The following CRACR2B variants were observed in gnomAD, a reference collection of about 807,000 sequenced individuals.
CRACR2B encodes calcium release activated channel regulator 2B.
In CRACR2B, 50 loss-of-function variants were observed where a neutral mutation model predicts 46.0. The ratio of observed to expected loss-of-function variants is 1.09; its 90% CI spans 0.87 to 1.38. The LOEUF (loss-of-function observed/expected upper bound fraction) is 1.38, where lower values mean the gene tolerates loss of function less well. Ranked by LOEUF, CRACR2B falls within the 40% of genes most tolerant of loss-of-function variation. CRACR2B has a pLI of 0.00. For synonymous variants in CRACR2B, 277 were observed against 239.6 expected (o/e 1.16, Z -1.44); for missense variants, 667 against 535.0 (o/e 1.25, Z -2.43).
chr11:827,402 A>T, upstream of CRACR2B: 2 of 344,792 alleles, frequency 5.8e-6, no homozygotes, highest in South Asian at 2.3e-4. Flanking sequence ...GCCCGCGCCA[A>T]ACCTGAGCGT....
chr11:831,113 C>T lies in CRACR2B; in HGVS notation c.953+81C>T, dbSNP rs571527437. On this transcript the variant is annotated intron_variant, in intron 7 of 8. Coordinates refer to ENST00000525077, the MANE Select transcript of CRACR2B (RefSeq NM_001286606.2). ...CGGGCGCTCAGGTCTGGGCCACTTT[C>T]ATCCCCATCTCAAGTCCCAGGCCCG... 1.9e-6 allele frequency: 3 copies of T among 1,567,896 alleles called. No individual in the cohort carries two copies. In the South Asian group the frequency reaches 3.5e-5, roughly 18 times the overall value.
Position 830,727 on chromosome 11 carries a change from CCCTG to C in CRACR2B, c.786+17_786+20del, listed in dbSNP as rs1171432001. The C allele has an allele frequency of 7.2e-6, 11 of 1,520,502 alleles. No homozygotes were observed. The highest frequency in any genetic ancestry group is 9.7e-6 in the Non-Finnish European group (11 of 1,136,000). 94.2% of individuals were successfully genotyped at this position (1,520,502 alleles called of 1,614,324 possible). A position where few individuals can be genotyped will look rare whatever the true frequency, so the allele number is the denominator to read the frequency against. ...CGGCAGCGGGAGGTGAGCACCCGGC[CCCTG>C]CCCTGTCCCCACGGTCACCCGTGCA... On this transcript the variant is annotated intron_variant, in intron 6 of 8. Transcript: ENST00000525077.
In CRACR2B at chr11:828,754, C is replaced by T. The variant is rs1846110950; in HGVS notation, c.147C>T (p.Ile49=). 2 of 1,613,486 alleles carry T rather than the reference C, an allele frequency of 1.2e-6. No homozygotes were observed. The highest frequency in any genetic ancestry group is 1.7e-6 in the Non-Finnish European group (2 of 1,179,926). The change falls in exon 1 of 9, where the codon ATC becomes ATT. Residue 49 remains isoleucine, a synonymous_variant. Transcript: ENST00000525077. ...LLCDKEAKGF[I]TKHDLQGLQS... is the part of the protein sequence containing the mutation. Reference sequence around the variant, plus strand: ...GTGACAAGGAGGCTAAGGGCTTCATCACCAAGCACGACCTGCAGGTGAGTC... The same window carrying T: ...GTGACAAGGAGGCTAAGGGCTTCATTACCAAGCACGACCTGCAGGTGAGTC...
rs774770107 is a variant in CRACR2B at position 829,478 on chromosome 11, GGAA to G, written c.399_401del (p.Glu136del). On this transcript the variant is annotated inframe_deletion, in exon 3 of 9. Coordinates refer to ENST00000525077, the MANE Select transcript of CRACR2B (RefSeq NM_001286606.2). ...CGGCGGGCTCTCTGGATGAGGAGGA[GGAA>G]GAGGAGGAGCGATTCCACACTGTGC... is the stretch of plus-strand genomic sequence containing the variant. The G allele has an allele frequency of 3.1e-6, 5 of 1,608,506 alleles. No individual in the cohort carries two copies. In the East Asian group the frequency reaches 9.0e-5, roughly 29 times the overall value.
At chr11:831,365 TC>T (rs938769293) in intron 8 of CRACR2B, 70 bp downstream of exon 8, 41 of 1,539,172 alleles carry the variant, frequency 2.7e-5, no homozygotes, top group Non-Finnish European at 3.5e-5. Flanking sequence ...TCCCCAACAT[TC>T]TTGGCTGCCG....
upstream of CRACR2B, among the ~76,000 whole-genome samples, chr11:826,666 G>A (rs1275150137): frequency 1.3e-5 from 2 of 152,194 alleles, no homozygotes; most frequent in Non-Finnish European, 2.9e-5. Context: ...TGGGATTACA[G>A]GCGCCCACCA....
rs1171607710 is a variant in CRACR2B at position 830,138 on chromosome 11, G to A, written c.605+6G>A. 1.3e-6 allele frequency: 2 copies of A among 1,529,232 alleles called. No individual in the cohort carries two copies. The highest frequency in any genetic ancestry group is 1.4e-5 in the African/African-American group (1 of 73,076). 94.7% of individuals were successfully genotyped at this position (1,529,232 alleles called of 1,614,324 possible). A position where few individuals can be genotyped will look rare whatever the true frequency, so the allele number is the denominator to read the frequency against. ...CTGGAGCAGGCGCTGCGGAGGTGAG[G>A]GCCGGGGTGGGGTATGGGGGCCAAT... On this transcript the variant is annotated splice_donor_region_variant and intron_variant, in intron 4 of 8. Coordinates refer to ENST00000525077, the MANE Select transcript of CRACR2B (RefSeq NM_001286606.2).
In CRACR2B at chr11:831,595, C is replaced by A; in HGVS notation, c.1086C>A (p.Ser362Arg). ...CCTGCGAGGCCAGGCGGGCGGGCAG[C>A]AGCTGCAGGAAGGCTCTGACAACAG... The part of the protein sequence containing the change: ...RDACEARRAG[S>R]SCRKALTTAR... The change falls in exon 9 of 9, where the codon AGC becomes AGA. Residue 362 changes from serine to arginine, a missense_variant. By Grantham distance (110) the Ser-to-Arg change is moderately radical. Coordinates refer to ENST00000525077, the MANE Select transcript of CRACR2B (RefSeq NM_001286606.2). 1.3e-6 allele frequency: 2 copies of A among 1,586,292 alleles called. No homozygotes were observed. Among genetic ancestry groups the A allele is most frequent in the Non-Finnish European group, 1.7e-6 (2 of 1,170,730 alleles).
chr11:831,179 C>T (rs749815557), intron 7 of CRACR2B, 45 bp from the exon 8 acceptor site: 37 of 1,610,366 alleles, frequency 2.3e-5, no homozygotes, highest in Non-Finnish European at 3.1e-5. Context: ...CCGGGGGCTC[C>T]CCAAGGAGCC....
upstream of CRACR2B, among the ~76,000 whole-genome samples, chr11:826,427 G>C (rs963941691): frequency 5.9e-5 from 9 of 152,238 alleles, no homozygotes; most frequent in South Asian, 2.1e-4. Context: ...CCCAGAAGGA[G>C]AGCCAGGAGG....
Position 830,307 on chromosome 11 carries a change from T to A in CRACR2B, c.663T>A (p.Leu221=). ...VRALYEETEQ[L]REQSRRPPSQ... is the part of the protein sequence containing the mutation. ...CTCTGTACGAGGAGACGGAGCAGCT[T>A]CGGGAGCAGAGCCGGCGCCCGCCGA... Residue 221 remains leucine (L), a synonymous_variant, in exon 5 of 9, where the codon CTT becomes CTA. Transcript: ENST00000525077. 2.0e-6 allele frequency: 3 copies of A among 1,534,192 alleles called. No homozygotes were observed. Among genetic ancestry groups the A allele is most frequent in the Non-Finnish European group, 2.6e-6 (3 of 1,143,422 alleles).
intron 4 of CRACR2B, 45 bp downstream of exon 4, chr11:830,177 G>T: frequency 6.7e-7 from 1 of 1,501,932 alleles, no homozygotes. Flanking sequence ...GGGCCTCAGG[G>T]CAGCAGCAGA....
chr11:830,479 G>T, intron 5 of CRACR2B, 142 bp downstream of exon 5: 1 of 1,537,062 alleles, frequency 6.5e-7, no homozygotes, highest in Non-Finnish European at 8.7e-7. Flanking sequence ...AGATCCCACT[G>T]GGCCTCACGT....
chr11:831,789 A>C lies in CRACR2B; in HGVS notation c.*80A>C, dbSNP rs1846478419. 1 of 1,431,674 alleles carries C rather than the reference A, an allele frequency of 7.0e-7. No individual in the cohort carries two copies. The highest frequency in any genetic ancestry group is 1.4e-5 in the South Asian group (1 of 71,454). 88.7% of individuals were successfully genotyped at this position (1,431,674 alleles called of 1,614,324 possible). On this transcript the variant is annotated 3_prime_UTR_variant, in exon 9 of 9. Transcript: ENST00000525077. ...TGTCATGGGTCGGGGGTGCCCACTC[A>C]GGATGCAGGCTCTCCCCAGTGGGCC... is the stretch of plus-strand genomic sequence containing the variant.
chr11:830,802 G>A lies in CRACR2B; in HGVS notation c.787-64G>A, dbSNP rs1846350144. On this transcript the variant is annotated intron_variant, in intron 6 of 8. Transcript: ENST00000525077. ...GTCCCCGGGTTGTCGGGAGCCTGGG[G>A]CACGCGCAGCACCCCGGGGAAGAGG... 7.4e-6 allele frequency: 11 copies of A among 1,482,860 alleles called. No homozygotes were observed. In the South Asian group the frequency reaches 7.9e-5, roughly 11 times the overall value. The allele number at this position is 1,482,860 out of a possible 1,614,324, so 91.9% of individuals were successfully genotyped here.
intron 5 of CRACR2B, 132 bp downstream of exon 5, chr11:830,469 A>G (rs1846311644): frequency 6.5e-7 from 1 of 1,536,364 alleles, no homozygotes. Flanking sequence ...CAGCCCGAGG[A>G]GATCCCACTG....
At position 831,277 on chromosome 11, in the gene CRACR2B, G is replaced by C; in HGVS notation, c.1007G>C (p.Arg336Pro). ...NMQKEKVSLLRQLELLRELNT... is the reference protein window; with the variant it reads ...NMQKEKVSLLPQLELLRELNT... ...CAGAAAGAGAAAGTCAGCCTGCTACGGCAACTGGAGCTGCTCAGGTACGGT... is the reference window on the plus strand; with the variant it reads ...CAGAAAGAGAAAGTCAGCCTGCTACCGCAACTGGAGCTGCTCAGGTACGGT... The change falls in exon 8 of 9, where the codon CGG becomes CCG. Residue 336 changes from arginine (R) to proline (P), a missense_variant. Arg to Pro is a moderately radical substitution (Grantham distance 103, BLOSUM62 -2). Transcript: ENST00000525077. 6.2e-7 allele frequency: 1 copy of C among 1,611,320 alleles called. No individual in the cohort carries two copies.
chr11:831,082 G>C, intron 7 of CRACR2B, 50 bp downstream of exon 7: 1 of 1,540,898 alleles, frequency 6.5e-7, no homozygotes, highest in Non-Finnish European at 8.7e-7. Context: ...CCGGGGGCGG[G>C]GCCGACGGGC....
chr11:831,029 A>G lies in CRACR2B; in HGVS notation c.950A>G (p.Gln317Arg), dbSNP rs1021981490. Residue 317 changes from glutamine to arginine, a missense_variant, in exon 7 of 9, where the codon CAA becomes CGA. Physicochemically the swap from Gln to Arg is conservative, Grantham distance 43 (BLOSUM62 1). Coordinates refer to ENST00000525077, the MANE Select transcript of CRACR2B (RefSeq NM_001286606.2). ...SEARGRQEQT[Q>R]RDVVAVSRNM... ...GCACGAGGCCGCCAGGAGCAAACCC[A>G]ACGGTGCCGTGGGACGGGGCTGGGC... 4.6e-6 allele frequency: 7 copies of G among 1,534,776 alleles called. No homozygotes were observed. The highest frequency in any genetic ancestry group is 2.0e-5 in the Admixed American group (1 of 50,970).
Sources: allele counts gnomAD v4.1 joint callset (sites outside exome capture counted in the v4.1 genomes callset), GRCh38; gene constraint gnomAD v4.1.1; transcripts MANE v1.5; gene names NCBI Gene and HGNC (gene_info 2026-07-23, HGNC 2026-07-21).